Variants in DNM3 observed in about 807,000 individuals in gnomAD.
DNM3 encodes the protein dynamin 3, also known as dynamin-3.
In DNM3, 47 loss-of-function variants were observed where a neutral mutation model predicts 101.6. The observed-to-expected ratio is 0.46, with a 90% CI of 0.37 to 0.59. The LOEUF (loss-of-function observed/expected upper bound fraction) is 0.59. Among genes scored for constraint, DNM3 ranks in the 20% least tolerant of loss-of-function variants. The pLI is 0.00. For missense variants in DNM3, 849 were observed against 1,085.7 expected, an observed-to-expected ratio of 0.78 and a Z score of 3.06; for synonymous variants, 385 against 387.9, an observed-to-expected ratio of 0.99 and a Z score of 0.09.
At chr1:172,061,709 G>A (rs866984776) in intron 10 of DNM3, among the ~76,000 whole-genome samples, 1 of 104,508 alleles carries the variant, frequency 9.6e-6, no homozygotes, top group Non-Finnish European at 1.8e-5. Context: ...GGGGTGGGGG[G>A]AGGGGGGAGG....
At chr1:171,925,614 T>C (rs2040508119) in intron 2 of DNM3, among the ~76,000 whole-genome samples, 1 of 152,200 alleles carries the variant, frequency 6.6e-6, no homozygotes, top group East Asian at 1.9e-4. Flanking sequence ...TAGTCCTTTA[T>C]TGGATGCATA....
chr1:172,101,293 A>G (rs2054623026), intron 13 of DNM3, among the ~76,000 whole-genome samples: 1 of 152,184 alleles, frequency 6.6e-6, no homozygotes, highest in Non-Finnish European at 1.5e-5. Flanking sequence ...TATTAATAAA[A>G]TTTAATTATT....
At chr1:172,276,949 T>C (rs1024642683) in intron 15 of DNM3, among the ~76,000 whole-genome samples, 1 of 152,020 alleles carries the variant, frequency 6.6e-6, no homozygotes, top group African/African-American at 2.4e-5. Context: ...ATCTGAATCA[T>C]GGTGGAATTC....
intron 1 of DNM3, among the ~76,000 whole-genome samples, chr1:171,853,289 G>A (rs1051702890): frequency 4.0e-5 from 6 of 151,898 alleles, no homozygotes; most frequent in South Asian, 2.1e-4. Flanking sequence ...TCAGCCTTCC[G>A]AGTAGCTGAG....
intron 13 of DNM3, among the ~76,000 whole-genome samples, chr1:172,104,465 T>C (rs2054871060): frequency 6.6e-6 from 1 of 152,154 alleles, no homozygotes. Flanking sequence ...TAGTATCTTC[T>C]GTTTAGAATG....
intron 1 of DNM3, among the ~76,000 whole-genome samples, chr1:171,873,139 T>C (rs1015943334): frequency 6.6e-6 from 1 of 152,182 alleles, no homozygotes; most frequent in Non-Finnish European, 1.5e-5. Flanking sequence ...TAAAGAGATC[T>C]TGAAGGGAGC....
chr1:172,166,895 T>G (rs2058763967), intron 14 of DNM3, among the ~76,000 whole-genome samples: 1 of 151,934 alleles, frequency 6.6e-6, no homozygotes, highest in Admixed American at 6.6e-5. Context: ...CATTCTCAGA[T>G]CTATATAAAT....
chr1:172,271,914 G>A (rs959448974), intron 15 of DNM3, among the ~76,000 whole-genome samples: 1 of 152,048 alleles, frequency 6.6e-6, no homozygotes, highest in South Asian at 2.1e-4. Context: ...ATCAGAAAAA[G>A]GGAAGGTGTC....
At chr1:171,911,245 A>G (rs2039269565) in intron 1 of DNM3, among the ~76,000 whole-genome samples, 1 of 150,880 alleles carries the variant, frequency 6.6e-6, no homozygotes, top group Non-Finnish European at 1.5e-5. Flanking sequence ...TTTGGCTTCC[A>G]ATTAAATACC....
rs1218093582 is a variant in DNM3 at position 172,388,775 on chromosome 1, T to A, written c.2488T>A (p.Ser830Thr). 6 of 1,603,652 alleles carry A rather than the reference T, an allele frequency of 3.7e-6. No individual in the cohort carries two copies. The South Asian group carries it at 6.7e-5, about 18-fold the overall frequency. Residue 830 changes from serine to threonine, a missense_variant, in exon 20 of 21, where the codon TCT (serine) becomes ACT (threonine). Transcript: ENST00000627582. Reference protein sequence around the residue: ...DSFGAPPQVPSRPTRAPPSVP... With the variant: ...DSFGAPPQVPTRPTRAPPSVP... ...CTTCGGAGCCCCTCCACAAGTTCCA[T>A]CTAGGCCTACGAGGGCCCCGCCCAG...
chr1:171,911,273 CTTTT>C (rs151321245), intron 1 of DNM3, among the ~76,000 whole-genome samples: 2 of 90,754 alleles, frequency 2.2e-5, no homozygotes, highest in African/African-American at 8.5e-5. Flanking sequence ...ACCCCAACAT[CTTTT>C]TTTTTTTTTT....
At chr1:171,855,442 AG>A (rs1558169170) in intron 1 of DNM3, among the ~76,000 whole-genome samples, 1 of 152,306 alleles carries the variant, frequency 6.6e-6, no homozygotes, top group East Asian at 1.9e-4. Context: ...TAGTTCTTTG[AG>A]GAATCACCAT....
At chr1:172,275,573 C>T (rs1214198985) in intron 15 of DNM3, among the ~76,000 whole-genome samples, 1 of 151,984 alleles carries the variant, frequency 6.6e-6, no homozygotes, top group African/African-American at 2.4e-5. Flanking sequence ...GTTGCCTCTC[C>T]CCACCAGAGA....
intron 4 of DNM3, among the ~76,000 whole-genome samples, chr1:172,020,825 AT>A (rs201540120): frequency 0.017 from 2,606 of 151,440 alleles, 42 homozygotes; most frequent in South Asian, 0.036. Context: ...TTTCTCTTTA[AT>A]TTACTGCGAG....
chr1:172,173,160 G>A (rs2059024314), intron 14 of DNM3, among the ~76,000 whole-genome samples: 1 of 151,932 alleles, frequency 6.6e-6, no homozygotes, highest in East Asian at 1.9e-4. Flanking sequence ...TGCAATGTGT[G>A]AAAGATGATG....
At chr1:172,045,646 C>A (rs1411271324) in intron 9 of DNM3, among the ~76,000 whole-genome samples, 2 of 152,118 alleles carry the variant, frequency 1.3e-5, no homozygotes, top group African/African-American at 4.8e-5. Flanking sequence ...TTTTAAAGCA[C>A]ATATTTATTC....
At chr1:172,052,378 AT>A (rs1207095449) in intron 10 of DNM3, among the ~76,000 whole-genome samples, 1 of 152,164 alleles carries the variant, frequency 6.6e-6, no homozygotes, top group African/African-American at 2.4e-5. Context: ...AAATCAACAT[AT>A]AAATATATCT....
At chr1:172,336,027 G>A (rs1573513548) in intron 17 of DNM3, among the ~76,000 whole-genome samples, 1 of 152,032 alleles carries the variant, frequency 6.6e-6, no homozygotes, top group African/African-American at 2.4e-5. Context: ...CCACATTTTA[G>A]CTTGAATTTA....
chr1:172,037,898 T>C (rs1314290064), intron 6 of DNM3, among the ~76,000 whole-genome samples: 1 of 152,220 alleles, frequency 6.6e-6, no homozygotes, highest in Non-Finnish European at 1.5e-5. Context: ...AACCACTTAG[T>C]CCTGAGAACA....
Sources: allele counts gnomAD v4.1 joint callset (sites outside exome capture counted in the v4.1 genomes callset), GRCh38; gene constraint gnomAD v4.1.1; transcripts MANE v1.5; gene names NCBI Gene and HGNC (gene_info 2026-07-23, HGNC 2026-07-21).